Variants in ZNF114 observed in about 807,000 individuals in gnomAD.
The protein encoded by ZNF114 is zinc finger protein 114, also known as zinc finger protein 114 (Y18).
A neutral mutation model predicts 6.8 loss-of-function variants in ZNF114; 8 were observed. The ratio of observed to expected loss-of-function variants is 1.18; its 90% confidence interval spans 0.69 to 2.13. The LOEUF is 2.13. Ranked by LOEUF, ZNF114 falls within the 30% of genes most tolerant of loss-of-function variation. The pLI is 0.00. For missense variants in ZNF114, 472 were observed against 519.5 expected (o/e 0.91, Z 0.89); for synonymous variants, 169 against 185.5 (o/e 0.91, Z 0.72).
chr19:48,275,167 A>G (rs1482973940), intron 3 of ZNF114, among the ~76,000 whole-genome samples: 3 of 144,448 alleles, frequency 2.1e-5, no homozygotes, highest in African/African-American at 5.1e-5. Context: ...AGAGAAAGAG[A>G]GAGAGGAAGA....
intron 4 of ZNF114, among the ~76,000 whole-genome samples, chr19:48,281,966 G>A (rs534719578): frequency 7.8e-6 from 1 of 128,966 alleles, no homozygotes; most frequent in Non-Finnish European, 1.6e-5. Flanking sequence ...GTGTGATCTC[G>A]GCTCACTGCA....
chr19:48,274,498 ATATATATATTTTTTT>A (rs368060716), intron 3 of ZNF114, among the ~76,000 whole-genome samples: 12,811 of 48,542 alleles, frequency 0.26, 945 homozygotes, highest in Middle Eastern at 0.4. Flanking sequence ...ATATATATAT[ATATATATATTTTTTT>A]TTTTTTTTTT....
Position 48,275,120 on chromosome 19 carries a change from C to T in ZNF114, c.-70+3292C>T, listed in dbSNP as rs905087101. Among the ~76,000 whole-genome samples, 115 of 143,240 alleles carry T rather than the reference C, an allele frequency of 8.0e-4. 1 individual carries two copies. The highest frequency in any genetic ancestry group is 2.9e-3 in the African/African-American group (110 of 37,880). The allele number at this position is 143,240 out of a possible 152,430, so 94.0% of individuals were successfully genotyped here. On this transcript the variant is annotated intron_variant, in intron 3 of 5. Transcript: ENST00000595607. The stretch of plus-strand genomic sequence containing the variant: ...TCACACCACTGCACTCCAGCCAGGG[C>T]AGCAGAGTGAGACCCTGTCTCAAAA...
At chr19:48,282,118 T>G (rs1600844460) in intron 4 of ZNF114, 3 of 313,676 alleles carry the variant, frequency 9.6e-6, no homozygotes, top group Non-Finnish European at 1.8e-5. Context: ...CAGGCTGGTC[T>G]CGAACTCCTG....
rs572652779 is a variant in ZNF114 at position 48,272,484 on chromosome 19, C to CA, written c.-70+657dup. Among the ~76,000 whole-genome samples, 154 of 148,780 alleles carry CA rather than the reference C, an allele frequency of 1.0e-3. 1 individual carries two copies. The highest frequency in any genetic ancestry group is 3.7e-3 in the African/African-American group (151 of 40,530). On this transcript the variant is annotated intron_variant, in intron 3 of 5. Coordinates refer to ENST00000595607, the MANE Select transcript of ZNF114 (RefSeq NM_153608.4). The stretch of plus-strand genomic sequence containing the variant: ...TGGCGGGCGCCTGTGATCCTAGCTA[C>CA]ACGGGAGGCTGAGGCAGGAGAATCG...
rs1007319405 is a variant in ZNF114, at chr19:48,270,154, G to GT, written c.-439dup. ...AGCCTTTGTTGCTTACACAAAGCCT[G>GT]TTTAGGTGGTCTTCTATACGGACAC... On this transcript the variant is annotated 5_prime_UTR_variant, in exon 1 of 6. Transcript: ENST00000595607. 8 of 152,388 alleles carry GT rather than the reference G, an allele frequency of 5.2e-5. 1 individual carries two copies. The highest frequency in any genetic ancestry group is 8.8e-5 in the Non-Finnish European group (6 of 68,356). The allele number at this position is 152,388 out of a possible 1,614,324, so 9.4% of individuals were successfully genotyped here. A position where few individuals can be genotyped will look rare whatever the true frequency, so the allele number is the denominator to read the frequency against.
chr19:48,277,274 G>C (rs1181673846), intron 3 of ZNF114, among the ~76,000 whole-genome samples: 1 of 151,726 alleles, frequency 6.6e-6, no homozygotes, highest in Non-Finnish European at 1.5e-5. Context: ...CTTGAACTCA[G>C]GAGGCAGAGG....
chr19:48,280,550 T>A (rs1361900971), intron 4 of ZNF114, among the ~76,000 whole-genome samples: 5 of 133,990 alleles, frequency 3.7e-5, no homozygotes, highest in African/African-American at 1.6e-4. Context: ...ACTCCAAATT[T>A]TTTTTTTTTT....
At chr19:48,285,612 G>GAAGA (rs1026710479) in intron 5 of ZNF114, 149 bp from the exon 6 acceptor site, 2 of 854,738 alleles carry the variant, frequency 2.3e-6, no homozygotes, top group African/African-American at 3.6e-5. Context: ...AGGAAGGAAG[G>GAAGA]AAGAAAGAAA....
intron 3 of ZNF114, among the ~76,000 whole-genome samples, chr19:48,274,498 ATATATATATTTTT>A (rs1300635904): frequency 0.011 from 524 of 48,680 alleles, no homozygotes; most frequent in African/African-American, 0.016. Context: ...ATATATATAT[ATATATATATTTTT>A]TTTTTTTTTT....
In ZNF114 at chr19:48,272,673, CAAAAAAAAAAA is replaced by C. The variant is rs57823987; in HGVS notation, c.-70+860_-70+870del. 9.4e-4 allele frequency among the ~76,000 whole-genome samples: 37 copies of C among 39,230 alleles called. 1 individual carries two copies. Among genetic ancestry groups the C allele is most frequent in the African/African-American group, 3.9e-3 (33 of 8,556 alleles). 25.7% of individuals were successfully genotyped at this position (39,230 alleles called of 152,430 possible). ...TGGGCGACAGAGCAAGACTCTCTCT[CAAAAAAAAAAA>C]AAAAAAAAAAAAAAGTATTGGATTG... On this transcript the variant is annotated intron_variant, in intron 3 of 5. Coordinates refer to ENST00000595607, the MANE Select transcript of ZNF114 (RefSeq NM_153608.4).
intron 4 of ZNF114, among the ~76,000 whole-genome samples, chr19:48,280,714 G>A (rs942439166): frequency 1.3e-5 from 2 of 151,848 alleles, no homozygotes; most frequent in Admixed American, 6.6e-5. Context: ...CAGCACGCCC[G>A]GCTAATTTTT....
At chr19:48,283,069 GA>G (rs1968034163) in intron 5 of ZNF114, among the ~76,000 whole-genome samples, 1 of 152,126 alleles carries the variant, frequency 6.6e-6, no homozygotes, top group South Asian at 2.1e-4. Context: ...AGGCTGGAGT[GA>G]AGTGGCACCA....
At chr19:48,273,102 G>A (rs1038160537) in intron 3 of ZNF114, among the ~76,000 whole-genome samples, 1 of 152,190 alleles carries the variant, frequency 6.6e-6, no homozygotes, top group Non-Finnish European at 1.5e-5. Flanking sequence ...GCCAGATAAA[G>A]AGCTTTGAGG....
chr19:48,275,014 C>T (rs1370498757), intron 3 of ZNF114, among the ~76,000 whole-genome samples: 1 of 151,466 alleles, frequency 6.6e-6, no homozygotes, highest in Non-Finnish European at 1.5e-5. Flanking sequence ...CGGTGACTCA[C>T]GCCTGTGATC....
intron 3 of ZNF114, among the ~76,000 whole-genome samples, chr19:48,278,562 A>G (rs1011603568): frequency 6.6e-6 from 1 of 152,126 alleles, no homozygotes; most frequent in Admixed American, 6.6e-5. Context: ...ATGGCTGGGT[A>G]ATATTCCATG....
At chr19:48,275,665 C>T (rs1040401019) in intron 3 of ZNF114, among the ~76,000 whole-genome samples, 2 of 151,732 alleles carry the variant, frequency 1.3e-5, no homozygotes, top group Non-Finnish European at 2.9e-5. Context: ...AAAGATACAT[C>T]GTAGGTGGTG....
At position 48,272,673 on chromosome 19, in the gene ZNF114, CAAAAAAA is replaced by C. The variant is rs57823987; in HGVS notation, c.-70+864_-70+870del. Among the ~76,000 whole-genome samples the C allele has an allele frequency of 4.1e-4, 16 of 39,228 alleles. 1 individual carries two copies. Among genetic ancestry groups the C allele is most frequent in the East Asian group, 8.3e-4 (1 of 1,210 alleles). The allele number at this position is 39,228 out of a possible 152,430, so 25.7% of individuals were successfully genotyped here. ...TGGGCGACAGAGCAAGACTCTCTCT[CAAAAAAA>C]AAAAAAAAAAAAAAAAAAGTATTGG... On this transcript the variant is annotated intron_variant, in intron 3 of 5. Transcript: ENST00000595607.
chr19:48,286,075 C>A lies in ZNF114; in HGVS notation c.451C>A (p.Leu151Ile), dbSNP rs202168319. 22 of 1,614,044 alleles carry A rather than the reference C, an allele frequency of 1.4e-5. No homozygotes were observed. The highest frequency in any genetic ancestry group is 1.9e-5 in the Non-Finnish European group (22 of 1,180,040). ...GGGAGATTCCATAAGACAATGTATC[C>A]TAACACGTGACTCAAGTATTTTCAA... Reference protein sequence around the residue: ...SQGDSIRQCILTRDSSIFKYN... With the variant: ...SQGDSIRQCIITRDSSIFKYN... Residue 151 changes from leucine to isoleucine, a missense_variant, in exon 6 of 6, where the codon CTA becomes ATA. Leu to Ile is a conservative substitution (Grantham distance 5). Coordinates refer to ENST00000595607, the MANE Select transcript of ZNF114 (RefSeq NM_153608.4).
Sources: gnomAD v4.1 joint callset for allele counts (sites outside exome capture counted in the v4.1 genomes callset) on GRCh38, gnomAD v4.1.1 for gene constraint, MANE v1.5 for transcripts, NCBI Gene and HGNC (gene_info 2026-07-23, HGNC 2026-07-21) for gene names.